Variants in LPP observed in about 807,000 individuals in gnomAD.
LPP encodes LIM domain containing preferred translocation partner in lipoma.
LPP carries 38 observed loss-of-function variants against 60.4 expected under a neutral mutation model. The ratio of observed to expected loss-of-function variants is 0.63; its 90% CI spans 0.49 to 0.83. The LOEUF is 0.83. LPP is among the 40% of genes least tolerant of loss of function. The pLI is 0.00. For synonymous variants in LPP, 328 were observed against 290.8 expected (o/e 1.13, Z -1.30); for missense variants, 902 against 783.6 (o/e 1.15, Z -1.80).
chr3:188,870,391 G>A (rs929506260), intron 10 of LPP, among the ~76,000 whole-genome samples: 1 of 152,082 alleles, frequency 6.6e-6, no homozygotes, highest in Non-Finnish European at 1.5e-5. Context: ...TCCCCTATCT[G>A]TGCTTTCTTA....
intron 8 of LPP, chr3:188,711,980 A>G (rs1346241471): frequency 6.6e-6 from 1 of 152,230 alleles, no homozygotes; most frequent in African/African-American, 2.4e-5. Context: ...TTGACATAAC[A>G]GGGAATAAAA....
At chr3:188,371,846 C>T (rs1244702866) in intron 3 of LPP, among the ~76,000 whole-genome samples, 3 of 150,268 alleles carry the variant, frequency 2.0e-5, no homozygotes, top group Admixed American at 6.6e-5. Flanking sequence ...TTAGTAGAGA[C>T]GGGGTTTCGC....
At chr3:188,251,075 TTCTTTCTCTCTC>T (rs1315916836) in intron 2 of LPP, among the ~76,000 whole-genome samples, 4 of 137,912 alleles carry the variant, frequency 2.9e-5, no homozygotes, top group Non-Finnish European at 4.7e-5. Context: ...GTCTTTTTCT[TTCTTTCTCTCTC>T]TCTTTCTCTC....
chr3:188,692,898 T>C (rs894316576), intron 7 of LPP, among the ~76,000 whole-genome samples: 6 of 152,230 alleles, frequency 3.9e-5, no homozygotes, highest in Admixed American at 2.0e-4. Context: ...ACGTTCAGCA[T>C]TGTCAGCAGA....
rs369715838 is a variant in LPP at position 188,185,809 on chromosome 3, T to G, written c.-190+31557T>G. Among the ~76,000 whole-genome samples, 11 of 152,330 alleles carry G rather than the reference T, an allele frequency of 7.2e-5. No individual in the cohort carries two copies. The East Asian group carries it at 1.5e-3, about 21-fold the overall frequency. On this transcript the variant is annotated intron_variant, in intron 1 of 11. Coordinates refer to ENST00000617246, the MANE Select transcript of LPP (RefSeq NM_001375462.1). ...TTGACCTAATGTTATGTTTTGTGTT[T>G]ACACCCCTCTCACCTGTCAGCTGCC...
intron 9 of LPP, among the ~76,000 whole-genome samples, chr3:188,798,667 G>A (rs1391230788): frequency 6.6e-6 from 1 of 152,224 alleles, no homozygotes; most frequent in Non-Finnish European, 1.5e-5. Flanking sequence ...GAGAGAAATA[G>A]ATAGTGTAGT....
intron 7 of LPP, among the ~76,000 whole-genome samples, chr3:188,616,041 A>G (rs889316800): frequency 3.3e-5 from 5 of 152,010 alleles, no homozygotes; most frequent in Admixed American, 6.5e-5. Flanking sequence ...TAGGTTGCCT[A>G]TTCACTCTGA....
At chr3:188,522,089 T>A (rs1458850307) in intron 5 of LPP, among the ~76,000 whole-genome samples, 2 of 152,168 alleles carry the variant, frequency 1.3e-5, no homozygotes, top group African/African-American at 4.8e-5. Flanking sequence ...AAACATGAAA[T>A]CTCCTCTGAT....
intron 7 of LPP, among the ~76,000 whole-genome samples, chr3:188,640,668 A>G (rs1480916522): frequency 6.6e-6 from 1 of 151,326 alleles, no homozygotes; most frequent in African/African-American, 2.4e-5. Flanking sequence ...TATATGGGCT[A>G]CTCTTCCCAT....
At position 188,234,856 on chromosome 3, in the gene LPP, T is replaced by C. The variant is rs189715451; in HGVS notation, c.-67+9329T>C. The stretch of plus-strand genomic sequence containing the variant: ...CAAAGATGGCAGTTCAAGGTCAAGG[T>C]CAGAAAGGCAGGTGATCCTGCCAGG... On this transcript the variant is annotated intron_variant, in intron 2 of 11. Transcript: ENST00000617246. Among the ~76,000 whole-genome samples the C allele has an allele frequency of 3.3e-5, 5 of 152,228 alleles. No individual in the cohort carries two copies. The East Asian group carries it at 9.7e-4, about 29-fold the overall frequency.
chr3:188,573,891 G>T (rs1834034652), intron 6 of LPP, among the ~76,000 whole-genome samples: 1 of 152,122 alleles, frequency 6.6e-6, no homozygotes, highest in Non-Finnish European at 1.5e-5. Context: ...GAAGATAAAT[G>T]ATATGACAAT....
At position 188,843,558 on chromosome 3, in the gene LPP, C is replaced by A. The variant is rs530191794; in HGVS notation, c.1411-22642C>A. ...ATCCCAGCACTTCGGGAGGCCGAGG[C>A]GGGCGGATCACGAGGTCAGGAGATC... On this transcript the variant is annotated intron_variant, in intron 9 of 11. Transcript: ENST00000617246. 2.6e-5 allele frequency among the ~76,000 whole-genome samples: 4 copies of A among 151,662 alleles called. No individual in the cohort carries two copies. The South Asian group carries it at 8.3e-4, about 31-fold the overall frequency.
chr3:188,518,386 A>C (rs1407048324), intron 5 of LPP, among the ~76,000 whole-genome samples: 1 of 152,206 alleles, frequency 6.6e-6, no homozygotes, highest in East Asian at 1.9e-4. Context: ...ACACAATGTA[A>C]TTTTTGTATT....
chr3:188,500,693 C>G (rs1579394271), intron 5 of LPP, among the ~76,000 whole-genome samples: 1 of 152,082 alleles, frequency 6.6e-6, no homozygotes, highest in East Asian at 1.9e-4. Context: ...CAGATTTTTT[C>G]TTACTCAGAT....
intron 6 of LPP, among the ~76,000 whole-genome samples, chr3:188,577,676 C>G (rs909179905): frequency 4.6e-5 from 7 of 151,664 alleles, no homozygotes; most frequent in African/African-American, 1.7e-4. Context: ...AAAACTATTA[C>G]ATTTTTTCTC....
rs375823264 is a variant in LPP at position 188,807,068 on chromosome 3, C to T, written c.1410+46786C>T. On this transcript the variant is annotated intron_variant, in intron 9 of 11. Transcript: ENST00000617246. Reference sequence around the variant, plus strand: ...ATATTTCTTCAATTCTGTCCTGAAACAGTTTTTAATTCTCCTTCATTTGAA... The same window carrying T: ...ATATTTCTTCAATTCTGTCCTGAAATAGTTTTTAATTCTCCTTCATTTGAA... Among the ~76,000 whole-genome samples the T allele has an allele frequency of 1.6e-4, 24 of 151,574 alleles. No homozygotes were observed. In the East Asian group the frequency reaches 4.6e-3, roughly 29 times the overall value.
rs925902702 is a variant in LPP, at chr3:188,559,998, C to T, written c.429+35211C>T. 4.6e-5 allele frequency among the ~76,000 whole-genome samples: 7 copies of T among 152,236 alleles called. No individual in the cohort carries two copies. The South Asian group carries it at 1.4e-3, about 32-fold the overall frequency. Reference sequence around the variant, plus strand: ...GCAAAGTGGAAAGAGCTTCTGTTCTCACTGTGGCATCTGGGGCCTCAATTC... The same window carrying T: ...GCAAAGTGGAAAGAGCTTCTGTTCTTACTGTGGCATCTGGGGCCTCAATTC... On this transcript the variant is annotated intron_variant, in intron 6 of 11. Transcript: ENST00000617246.
At chr3:188,163,604 A>G (rs1359630253) in intron 1 of LPP, among the ~76,000 whole-genome samples, 1 of 152,098 alleles carries the variant, frequency 6.6e-6, no homozygotes, top group African/African-American at 2.4e-5. Context: ...GACTCAACAA[A>G]CATCCACTGT....
intron 7 of LPP, among the ~76,000 whole-genome samples, chr3:188,638,556 G>A (rs1849338044): frequency 6.7e-6 from 1 of 148,276 alleles, no homozygotes; most frequent in Non-Finnish European, 1.5e-5. Context: ...ATTCAATTAG[G>A]AAAAGAGGAA....
Sources: gnomAD v4.1 joint callset for allele counts (sites outside exome capture counted in the v4.1 genomes callset) on GRCh38, gnomAD v4.1.1 for gene constraint, MANE v1.5 for transcripts, NCBI Gene and HGNC (gene_info 2026-07-23, HGNC 2026-07-21) for gene names.